The following XKR5 variants were observed in gnomAD, a reference collection of about 807,000 sequenced individuals.
XKR5 encodes XK-related protein 5.
In XKR5, 46 loss-of-function variants were observed where a neutral mutation model predicts 40.8. That is an observed-to-expected ratio of 1.13 (90% CI 0.89 to 1.44). The LOEUF (loss-of-function observed/expected upper bound fraction) is 1.44. XKR5 is among the 40% of genes most tolerant of loss of function. The probability of loss-of-function intolerance (pLI) is 0.00; values close to 1 mark genes in which losing one functional copy is unlikely to be tolerated. For synonymous variants in XKR5, 466 were observed against 356.1 expected (o/e 1.31, Z -3.48); for missense variants, 1,169 against 844.7 (o/e 1.38, Z -4.76).
In XKR5 at chr8:6,810,998, G is replaced by C; in HGVS notation, c.*200C>G. On this transcript the variant is annotated 3_prime_UTR_variant, in exon 7 of 7. Coordinates refer to ENST00000618742, the MANE Select transcript of XKR5 (RefSeq NM_207411.5). ...TATGTTAGAGTCTCTCCTATGCATG[G>C]GTGGGGTCTGTGATGTTTGCATTGG... 1.8e-6 allele frequency: 1 copy of C among 569,990 alleles called. No individual in the cohort carries two copies. Among genetic ancestry groups the C allele is most frequent in the South Asian group, 2.3e-5 (1 of 42,926 alleles). The allele number at this position is 569,990 out of a possible 1,614,324, so 35.3% of individuals were successfully genotyped here.
intron 1 of XKR5, 54 bp from the exon 2 acceptor site, chr8:6,832,954 G>A: frequency 4.9e-6 from 7 of 1,421,956 alleles, no homozygotes; most frequent in Non-Finnish European, 6.5e-6. Context: ...AGTGAGACTG[G>A]GTACCTGCAT....
Position 6,832,878 on chromosome 8 carries a change from G to C in XKR5, c.81C>G (p.Tyr27Ter). 1 of 1,603,114 alleles carries C rather than the reference G, an allele frequency of 6.2e-7. No homozygotes were observed. Among genetic ancestry groups the C allele is most frequent in the African/African-American group, 1.3e-5 (1 of 74,412 alleles). The change falls in exon 2 of 7, where the codon TAC (tyrosine) becomes TAG (stop). Residue 27 changes from tyrosine to a stop codon, truncating the protein, a stop_gained. Transcript: ENST00000618742. LOFTEE classifies it high-confidence loss of function. The part of the protein sequence containing the change: ...QSARLYTVAY[Y>*]FTTGRLLWGW... ...CCCACAGAAGCCGTCCTGTGGTGAA[G>C]TAGTAAGCCACGGTGTAAAGGCCTG... is the stretch of plus-strand genomic sequence containing the variant.
chr8:6,815,934 C>T lies in XKR5; in HGVS notation c.808-16G>A, dbSNP rs775542807. On this transcript the variant is annotated splice_polypyrimidine_tract_variant and intron_variant, in intron 5 of 6. Coordinates refer to ENST00000618742, the MANE Select transcript of XKR5 (RefSeq NM_207411.5). ...ACAGCATGACCTGCGGGACCCAGGA[C>T]AGAGGCACCACACCTCGTCAGGTGC... 1 of 1,573,108 alleles carries T rather than the reference C, an allele frequency of 6.4e-7. No homozygotes were observed. Among genetic ancestry groups the T allele is most frequent in the Non-Finnish European group, 8.7e-7 (1 of 1,156,010 alleles).
chr8:6,822,821 C>T (rs1247484521), intron 4 of XKR5, among the ~76,000 whole-genome samples: 2 of 152,146 alleles, frequency 1.3e-5, no homozygotes, highest in Admixed American at 6.5e-5. Context: ...GGAGGGAGGG[C>T]TTGGATTTAG....
Position 6,811,491 on chromosome 8 carries a change from G to T in XKR5, c.1768C>A (p.Pro590Thr), listed in dbSNP as rs1803684505. ...ATGTCGGCCATGGTGTCGGGGAAGG[G>T]CGCCAAGCCCACTGGGTGGGGCGAT... is the stretch of plus-strand genomic sequence containing the variant. ...PASPHPVGLA[P>T]FPDTMADISP... The change falls in exon 7 of 7, where the codon CCC becomes ACC. Residue 590 changes from proline (P) to threonine (T), a missense_variant. Physicochemically the swap from Pro to Thr is conservative, Grantham distance 38. Coordinates refer to ENST00000618742, the MANE Select transcript of XKR5 (RefSeq NM_207411.5). 4 of 1,528,220 alleles carry T rather than the reference G, an allele frequency of 2.6e-6. No homozygotes were observed. In the South Asian group the frequency reaches 4.9e-5, roughly 19 times the overall value. The allele number at this position is 1,528,220 out of a possible 1,614,324, so 94.7% of individuals were successfully genotyped here.
At chr8:6,829,599 T>C (rs1804665788) in intron 2 of XKR5, among the ~76,000 whole-genome samples, 1 of 152,218 alleles carries the variant, frequency 6.6e-6, no homozygotes, top group Non-Finnish European at 1.5e-5. Flanking sequence ...CACTGTAACC[T>C]CTACTTCCCA....
chr8:6,817,215 A>G (rs1301221285), intron 5 of XKR5, among the ~76,000 whole-genome samples: 1 of 152,194 alleles, frequency 6.6e-6, no homozygotes, highest in Non-Finnish European at 1.5e-5. Context: ...CACTTCACCC[A>G]GAGATTGCAT....
At chr8:6,822,491 C>T (rs930761618) in intron 4 of XKR5, among the ~76,000 whole-genome samples, 2 of 146,614 alleles carry the variant, frequency 1.4e-5, no homozygotes, top group Admixed American at 6.9e-5. Flanking sequence ...TTTTGGATTT[C>T]AAGCTGATTT....
At chr8:6,822,700 G>C (rs960072284) in intron 4 of XKR5, among the ~76,000 whole-genome samples, 1 of 152,198 alleles carries the variant, frequency 6.6e-6, no homozygotes. Context: ...CTGATGACCA[G>C]AGATGACAGC....
At chr8:6,819,067 C>T (rs1015747399) in intron 5 of XKR5, among the ~76,000 whole-genome samples, 2 of 152,158 alleles carry the variant, frequency 1.3e-5, no homozygotes, top group African/African-American at 4.8e-5. Context: ...ATACAAAACA[C>T]CTTATGTTCC....
In XKR5 at chr8:6,811,666, C is replaced by A. The variant is rs769453552; in HGVS notation, c.1593G>T (p.Gln531His). The change falls in exon 7 of 7, where the codon CAG becomes CAT. Residue 531 changes from glutamine (Q) to histidine (H), a missense_variant. By Grantham distance (24) the Gln-to-His change is conservative (BLOSUM62 0). Transcript: ENST00000618742. ...AACTCTGCTGTCCTTCCCCTCCTCT[C>A]TGCTGCCCACCTGTCCCCTTCCCCT... is the stretch of plus-strand genomic sequence containing the variant. The part of the protein sequence containing the change: ...GTQGKGTGGQ[Q>H]RGGEGQQSST... 4.6e-6 allele frequency: 7 copies of A among 1,537,594 alleles called. No individual in the cohort carries two copies. Among genetic ancestry groups the A allele is most frequent in the Admixed American group, 2.0e-5 (1 of 50,990 alleles).
chr8:6,823,616 C>A lies in XKR5; in HGVS notation c.542G>T (p.Cys181Phe), dbSNP rs760367166. Reference protein sequence around the residue: ...HLAMPWAALFCQQLWRMGMLG... With the variant: ...HLAMPWAALFFQQLWRMGMLG... ...CATGCCCATCCTCCAGAGCTGCTGG[C>A]AGAAGAGGGCGGCCCATGGCATGGC... The change falls in exon 4 of 7, where the codon TGC becomes TTC. Residue 181 changes from cysteine (C) to phenylalanine (F), a missense_variant. Transcript: ENST00000618742. The A allele has an allele frequency of 6.3e-7, 1 of 1,594,628 alleles. No homozygotes were observed. Among genetic ancestry groups the A allele is most frequent in the Non-Finnish European group, 8.5e-7 (1 of 1,170,684 alleles).
At chr8:6,819,425 G>C (rs559113674) in intron 5 of XKR5, among the ~76,000 whole-genome samples, 1 of 152,210 alleles carries the variant, frequency 6.6e-6, no homozygotes, top group South Asian at 2.1e-4. Context: ...TCACAGTCTG[G>C]GCATTTCTAA....
chr8:6,827,149 G>A (rs1441410073), intron 2 of XKR5, among the ~76,000 whole-genome samples: 2 of 152,120 alleles, frequency 1.3e-5, no homozygotes, highest in African/African-American at 2.4e-5. Flanking sequence ...CAGGCTTCGA[G>A]TCTCACCTGG....
chr8:6,829,538 T>A (rs891771872), intron 2 of XKR5, among the ~76,000 whole-genome samples: 1 of 152,078 alleles, frequency 6.6e-6, no homozygotes, highest in Non-Finnish European at 1.5e-5. Context: ...TTATTTGAGA[T>A]TGAGTCTCAT....
At chr8:6,812,386 C>T in intron 6 of XKR5, 47 bp from the exon 7 acceptor site, 1 of 1,481,860 alleles carries the variant, frequency 6.7e-7, no homozygotes, top group Non-Finnish European at 9.0e-7. Flanking sequence ...TTGAAGTCTG[C>T]ATCCTCCCTC....
chr8:6,831,798 G>A (rs2741093), intron 2 of XKR5, among the ~76,000 whole-genome samples: 3 of 152,038 alleles, frequency 2.0e-5, no homozygotes, highest in African/African-American at 4.8e-5. Flanking sequence ...GGCGGATCAC[G>A]AGGTCAGGAG....
At chr8:6,819,508 T>C in intron 5 of XKR5, among the ~76,000 whole-genome samples, 1 of 152,150 alleles carries the variant, frequency 6.6e-6, no homozygotes, top group Non-Finnish European at 1.5e-5. Context: ...GCTGGGGGTG[T>C]TGAGGAACAG....
rs760741403 is a variant in XKR5 at position 6,815,799 on chromosome 8, G to C, written c.919+8C>G. On this transcript the variant is annotated splice_region_variant and intron_variant, in intron 6 of 6. Transcript: ENST00000618742. ...GGATGCAGAGAAGAAGGTGACATTG[G>C]GACTTACCAATCAGAAATCCAGACA... The C allele has an allele frequency of 1.3e-6, 2 of 1,579,310 alleles. No individual in the cohort carries two copies. The highest frequency in any genetic ancestry group is 3.5e-5 in the Admixed American group (2 of 56,628).
Sources: gnomAD v4.1 joint callset for allele counts (sites outside exome capture counted in the v4.1 genomes callset) on GRCh38, gnomAD v4.1.1 for gene constraint, MANE v1.5 for transcripts, NCBI Gene and HGNC (gene_info 2026-07-23, HGNC 2026-07-21) for gene names.